Variants in PPP6R1 observed in about 807,000 individuals in gnomAD.
PPP6R1 encodes the protein serine/threonine-protein phosphatase 6 regulatory subunit 1.
Under a neutral mutation model 104.6 loss-of-function variants are expected in PPP6R1, and 39 were observed. That is an observed-to-expected ratio of 0.37 (90% CI 0.29 to 0.49). The LOEUF (loss-of-function observed/expected upper bound fraction) is 0.49, where lower values mean the gene tolerates loss of function less well. PPP6R1 is among the 20% of genes least tolerant of loss of function. The probability of loss-of-function intolerance (pLI) is 0.98; values close to 1 mark genes in which losing one functional copy is unlikely to be tolerated. For missense variants in PPP6R1, 1,181 were observed against 1,155.8 expected (o/e 1.02, Z -0.32); for synonymous variants, 549 against 479.0 (o/e 1.15, Z -1.91).
At position 55,245,681 on chromosome 19, in the gene PPP6R1, G is replaced by T; in HGVS notation, c.228-3C>A. 6.2e-7 allele frequency: 1 copy of T among 1,604,204 alleles called. No homozygotes were observed. On this transcript the variant is annotated splice_polypyrimidine_tract_variant and splice_region_variant and intron_variant, in intron 2 of 23. Coordinates refer to ENST00000412770, the MANE Select transcript of PPP6R1 (RefSeq NM_014931.4). This position sits in a 1 kb window ranked among gnomAD's most constrained non-coding sequence, Gnocchi z 6.4. ...TCTCGCAGGCCACACTGGGGTACCT[G>T]GGAGGCAAGCACAGGCGGGTGGGGG...
chr19:55,245,297 C>T lies in PPP6R1; in HGVS notation c.520G>A (p.Glu174Lys), dbSNP rs1446714809. ...DLLLRLLTCV[E>K]RPQLRQDVVN... ...ACATCCTGCCTCAGCTGAGGCCGCTCCACACAGGTGAGCAGGCGCAGCAGG... is the reference window on the plus strand; with the variant it reads ...ACATCCTGCCTCAGCTGAGGCCGCTTCACACAGGTGAGCAGGCGCAGCAGG... Residue 174 changes from glutamate (E) to lysine (K), a missense_variant, in exon 4 of 24, where the codon GAG becomes AAG. Coordinates refer to ENST00000412770, the MANE Select transcript of PPP6R1 (RefSeq NM_014931.4). The surrounding 1 kb of genome is among the most constrained non-coding windows in gnomAD (Gnocchi z 6.4). 6.2e-7 allele frequency: 1 copy of T among 1,603,792 alleles called. No individual in the cohort carries two copies. The highest frequency in any genetic ancestry group is 1.7e-5 in the Admixed American group (1 of 58,224).
rs750697888 is a variant in PPP6R1 at position 55,241,892 on chromosome 19, G to A, written c.846-253C>T. Among the ~76,000 whole-genome samples, 2 of 152,250 alleles carry A rather than the reference G, an allele frequency of 1.3e-5. No individual in the cohort carries two copies. The highest frequency in any genetic ancestry group is 2.9e-5 in the Non-Finnish European group (2 of 67,998). On this transcript the variant is annotated intron_variant, in intron 7 of 23. Coordinates refer to ENST00000412770, the MANE Select transcript of PPP6R1 (RefSeq NM_014931.4). The surrounding 1 kb of genome is among the most constrained non-coding windows in gnomAD (Gnocchi z 5.4). The stretch of plus-strand genomic sequence containing the variant: ...GGGAAGGCAAACCCAACAGGCTAGC[G>A]GCCTGTGTGGTAAGGCAGGGGCACG...
chr19:55,234,657 G>GGCTGCACTCACAGCA (rs538636979), intron 17 of PPP6R1, among the ~76,000 whole-genome samples: 3 of 99,918 alleles, frequency 3.0e-5, no homozygotes, highest in South Asian at 2.3e-4. Context: ...CACTCACAGC[G>GGCTGCACTCACAGCA]GCTGCACTCA....
intron 1 of PPP6R1, among the ~76,000 whole-genome samples, chr19:55,254,549 C>T (rs114637567): frequency 0.014 from 2,126 of 152,256 alleles, 39 homozygotes; most frequent in African/African-American, 0.046. Context: ...GCCAGGGAAC[C>T]GGTGGGCCCA....
At position 55,245,735 on chromosome 19, in the gene PPP6R1, G is replaced by T; in HGVS notation, c.228-57C>A. 8.7e-6 allele frequency: 12 copies of T among 1,378,360 alleles called. No individual in the cohort carries two copies. The highest frequency in any genetic ancestry group is 2.4e-5 in the East Asian group (1 of 42,128). 85.4% of individuals were successfully genotyped at this position (1,378,360 alleles called of 1,614,324 possible). ...GGGTCGGAGGCCGGGGGCAGGGGGC[G>T]GCAAGGCTCCACCCTCTTCTCTGCA... On this transcript the variant is annotated intron_variant, in intron 2 of 23. Transcript: ENST00000412770. This position sits in a 1 kb window ranked among gnomAD's most constrained non-coding sequence, Gnocchi z 6.4.
chr19:55,231,571 G>C (rs371251003), intron 20 of PPP6R1, 27 bp downstream of exon 20: 10 of 1,605,264 alleles, frequency 6.2e-6, no homozygotes, highest in Middle Eastern at 3.4e-4. Flanking sequence ...CCAGGGCCGC[G>C]GGTGGGCAGG....
chr19:55,237,268 C>T (rs2087408528), intron 15 of PPP6R1, among the ~76,000 whole-genome samples: 1 of 152,122 alleles, frequency 6.6e-6, no homozygotes. Flanking sequence ...TCTCCTCAGG[C>T]TCTTCCAAGG....
In PPP6R1 at chr19:55,239,454, G is replaced by A; in HGVS notation, c.1702C>T (p.His568Tyr). 1 of 1,614,006 alleles carries A rather than the reference G, an allele frequency of 6.2e-7. No homozygotes were observed. The highest frequency in any genetic ancestry group is 8.5e-7 in the Non-Finnish European group (1 of 1,179,884). Reference protein sequence around the residue: ...MQRMTSAFIDHFGFNDEEFGE... With the variant: ...MQRMTSAFIDYFGFNDEEFGE... ...AACTCCTCATCATTGAAGCCGAAGTGGTCAATGAAGGCAGAGGTCATGCGC... is the reference window on the plus strand; with the variant it reads ...AACTCCTCATCATTGAAGCCGAAGTAGTCAATGAAGGCAGAGGTCATGCGC... The change falls in exon 15 of 24, where the codon CAC (histidine) becomes TAC (tyrosine). Residue 568 changes from histidine to tyrosine, a missense_variant. Transcript: ENST00000412770.
Position 55,258,745 on chromosome 19 carries a change from G to C in PPP6R1, c.-317C>G, listed in dbSNP as rs1352218120. 6.6e-6 allele frequency: 1 copy of C among 152,022 alleles called. No homozygotes were observed. Among genetic ancestry groups the C allele is most frequent in the Admixed American group, 6.5e-5 (1 of 15,276 alleles). 9.4% of individuals were successfully genotyped at this position (152,022 alleles called of 1,614,324 possible). Reference sequence around the variant, plus strand: ...GCGAGGTGGGCGTGCGGGCCGAGGCGGGTTGGCGAGCCGGGTCGCGAGGCC... The same window carrying C: ...GCGAGGTGGGCGTGCGGGCCGAGGCCGGTTGGCGAGCCGGGTCGCGAGGCC... On this transcript the variant is annotated 5_prime_UTR_variant, in exon 1 of 24. Transcript: ENST00000412770.
At chr19:55,249,620 C>T (rs988255193) in intron 1 of PPP6R1, among the ~76,000 whole-genome samples, 9 of 152,124 alleles carry the variant, frequency 5.9e-5, no homozygotes, top group African/African-American at 1.2e-4. Context: ...GCAGGCAGAT[C>T]ACCCGGGGTC....
At chr19:55,228,683 G>A, downstream of PPP6R1, 2 of 1,611,934 alleles carry the variant, frequency 1.2e-6, no homozygotes, top group Admixed American at 1.7e-5. Flanking sequence ...AGCTCAGAAG[G>A]CTCTCACCTG....
At chr19:55,242,623 G>C (rs2087469077) in intron 5 of PPP6R1, 135 bp from the exon 6 acceptor site, 1 of 729,260 alleles carries the variant, frequency 1.4e-6, no homozygotes, top group South Asian at 1.6e-5. Flanking sequence ...GTGTTACGAA[G>C]GAGGAGGGCA....
chr19:55,253,228 C>T (rs372406088), intron 1 of PPP6R1, among the ~76,000 whole-genome samples: 2 of 152,218 alleles, frequency 1.3e-5, no homozygotes, highest in Non-Finnish European at 2.9e-5. Flanking sequence ...CTTATTATTC[C>T]GACAGAGTCT....
downstream of PPP6R1, chr19:55,228,243 C>T (rs1257536418): frequency 1.2e-6 from 2 of 1,612,448 alleles, no homozygotes; most frequent in African/African-American, 1.3e-5. Context: ...CAGCCGAGCA[C>T]ACAAGGGCTC....
chr19:55,230,252 T>C lies in PPP6R1; in HGVS notation c.*276A>G. On this transcript the variant is annotated 3_prime_UTR_variant, in exon 24 of 24. Transcript: ENST00000412770. ...TCTCGCTCTCCTCCCTCTCTCTATA[T>C]AATATATAATATATGTTTCTCTCTC... is the stretch of plus-strand genomic sequence containing the variant. 3 of 526,094 alleles carry C rather than the reference T, an allele frequency of 5.7e-6. No homozygotes were observed. The highest frequency in any genetic ancestry group is 1.0e-5 in the Non-Finnish European group (3 of 293,170). 32.6% of individuals were successfully genotyped at this position (526,094 alleles called of 1,614,324 possible).
At chr19:55,229,388 C>G (rs547464200), downstream of PPP6R1, 2 of 152,982 alleles carry the variant, frequency 1.3e-5, no homozygotes, top group South Asian at 4.1e-4. Context: ...TCCACACGCT[C>G]CGGTTTCCCA....
chr19:55,232,283 C>T, intron 17 of PPP6R1, 72 bp from the exon 18 acceptor site: 1 of 1,473,402 alleles, frequency 6.8e-7, no homozygotes, highest in Non-Finnish European at 9.0e-7. Flanking sequence ...TTCCCTGCAG[C>T]CCAGGGTCAG....
At chr19:55,234,695 A>C (rs964724078) in intron 17 of PPP6R1, among the ~76,000 whole-genome samples, 3 of 152,328 alleles carry the variant, frequency 2.0e-5, no homozygotes, top group Middle Eastern at 3.4e-3. Flanking sequence ...AACCTGCCCA[A>C]AGGCCTGTCA....
chr19:55,239,167 C>T (rs2087425501), intron 15 of PPP6R1: 3 of 543,302 alleles, frequency 5.5e-6, no homozygotes, highest in Non-Finnish European at 1.0e-5. Context: ...GTGCCCCACC[C>T]TCATGGCCTG....
Sources: gnomAD v4.1 joint callset for allele counts (sites outside exome capture counted in the v4.1 genomes callset) on GRCh38, gnomAD v4.1.1 for gene constraint, Gnocchi (gnomAD v3.1) non-coding constraint, MANE v1.5 for transcripts, NCBI Gene and HGNC (gene_info 2026-07-23, HGNC 2026-07-21) for gene names.